XIRP2: variants seen among roughly 807,000 people sequenced by gnomAD.
The protein encoded by XIRP2 is xin actin binding repeat containing 2.
A neutral mutation model predicts 277.0 loss-of-function variants in XIRP2; 236 were observed. The observed-to-expected ratio is 0.85, with a 90% CI of 0.77 to 0.95. The LOEUF (loss-of-function observed/expected upper bound fraction) is 0.95. XIRP2 is among the 40% of genes least tolerant of loss of function. The pLI is 0.00. For missense variants in XIRP2, 4,640 were observed against 4,157.5 expected (o/e 1.12, Z -3.19); for synonymous variants, 1,490 against 1,416.5 (o/e 1.05, Z -1.17).
At chr2:166,999,682 A>T (rs753666666) in intron 2 of XIRP2, among the ~76,000 whole-genome samples, 4 of 152,182 alleles carry the variant, frequency 2.6e-5, no homozygotes, top group Non-Finnish European at 5.9e-5. Context: ...GCTTAAAATA[A>T]ATGATTTAAT....
At chr2:167,024,562 C>T (rs1449147361) in intron 2 of XIRP2, among the ~76,000 whole-genome samples, 1 of 152,064 alleles carries the variant, frequency 6.6e-6, no homozygotes, top group Non-Finnish European at 1.5e-5. Flanking sequence ...CCAGTTTTTG[C>T]CCATTCAGTA....
In XIRP2 at chr2:167,243,450, G is replaced by C. The variant is rs774793371; in HGVS notation, c.2058G>C (p.Gly686=). 1.6e-5 allele frequency: 26 copies of C among 1,613,894 alleles called. No homozygotes were observed. In the Admixed American group the frequency reaches 2.5e-4, roughly 16 times the overall value. ...SAVTISKDIT[G]GDVKTVRYMF... is the part of the protein sequence containing the mutation. ...TAACTATCAGTAAGGACATAACTGG[G>C]GGGGATGTCAAGACTGTGAGATACA... The change falls in exon 9 of 11, where the codon GGG becomes GGC. Residue 686 remains glycine (G), a synonymous_variant. Coordinates refer to ENST00000409195, the MANE Select transcript of XIRP2 (RefSeq NM_152381.6).
Position 167,247,685 on chromosome 2 carries a change from C to G in XIRP2, c.6293C>G (p.Ser2098Ter). Residue 2098 changes from serine (S) to a stop codon, truncating the protein, a stop_gained, in exon 9 of 11, where the codon TCA becomes TGA. Coordinates refer to ENST00000409195, the MANE Select transcript of XIRP2 (RefSeq NM_152381.6). LOFTEE classifies it high-confidence loss of function. ...AAGAATAATCTAACAACTAAAGAATCAGACAGGGCAGTGAGAGAGCTGAAG... is the reference window on the plus strand; with the variant it reads ...AAGAATAATCTAACAACTAAAGAATGAGACAGGGCAGTGAGAGAGCTGAAG... ...SVKNNLTTKE[S>*]DRAVRELKKD... The G allele has an allele frequency of 6.2e-7, 1 of 1,613,574 alleles. No homozygotes were observed. The highest frequency in any genetic ancestry group is 8.5e-7 in the Non-Finnish European group (1 of 1,179,728).
chr2:167,157,132 A>C (rs1398636275), intron 3 of XIRP2, among the ~76,000 whole-genome samples: 1 of 151,640 alleles, frequency 6.6e-6, no homozygotes, highest in Non-Finnish European at 1.5e-5. Flanking sequence ...AATCATGGGA[A>C]CAGGCATTGT....
At chr2:167,217,283 T>TAA (rs201024264) in intron 4 of XIRP2, among the ~76,000 whole-genome samples, 15,224 of 136,794 alleles carry the variant, frequency 0.11, 931 homozygotes, top group East Asian at 0.25. Flanking sequence ...TAAAGTATAA[T>TAA]AAAAAAAAAA....
In XIRP2 at chr2:167,134,649, A is replaced by G. The variant is rs147486963; in HGVS notation, c.409-1260A>G. Among the ~76,000 whole-genome samples, 141 of 152,256 alleles carry G rather than the reference A, an allele frequency of 9.3e-4. 2 individuals carry two copies. In the East Asian group the frequency reaches 0.027, roughly 29 times the overall value. On this transcript the variant is annotated intron_variant, in intron 2 of 10. Transcript: ENST00000409195. ...TGCCTAAAACCACATATAGTACCGA[A>G]CCCTACATATACTCTGTCTTTTCCT...
In XIRP2 at chr2:167,243,706, T is replaced by G; in HGVS notation, c.2314T>G (p.Trp772Gly). ...AAAGGGAGATGTAAGAACAGCACGG[T>G]GGATGTTTGAAACACAGCCGTTGGA... Reference protein sequence around the residue: ...VEKGDVRTARWMFETQPLDTI... With the variant: ...VEKGDVRTARGMFETQPLDTI... The change falls in exon 9 of 11, where the codon TGG (tryptophan) becomes GGG (glycine). Residue 772 changes from tryptophan (W) to glycine (G), a missense_variant. By Grantham distance (184) the Trp-to-Gly change is radical. Transcript: ENST00000409195. 3 of 1,614,060 alleles carry G rather than the reference T, an allele frequency of 1.9e-6. No individual in the cohort carries two copies. Among genetic ancestry groups the G allele is most frequent in the Non-Finnish European group, 2.5e-6 (3 of 1,179,972 alleles).
At chr2:167,254,750 A>G (rs567094588) in intron 10 of XIRP2, among the ~76,000 whole-genome samples, 1 of 152,012 alleles carries the variant, frequency 6.6e-6, no homozygotes, top group Admixed American at 6.6e-5. Context: ...GAAAAATATC[A>G]GTGACAGGTA....
intron 2 of XIRP2, among the ~76,000 whole-genome samples, chr2:167,091,632 T>C (rs573791203): frequency 1.3e-5 from 2 of 152,196 alleles, no homozygotes; most frequent in African/African-American, 4.8e-5. Flanking sequence ...CTGAAAACTC[T>C]AAGTTTTTTA....
chr2:167,242,788 G>A lies in XIRP2; in HGVS notation c.1396G>A (p.Val466Met). ...TGACGTACTTCAAACTTCAGTAGAT[G>A]TGACAGCATTTTCCCAGTCCCCTGA... Reference protein sequence around the residue: ...PPDVLQTSVDVTAFSQSPELP... With the variant: ...PPDVLQTSVDMTAFSQSPELP... The change falls in exon 9 of 11, where the codon GTG becomes ATG. Residue 466 changes from valine to methionine, a missense_variant. Coordinates refer to ENST00000409195, the MANE Select transcript of XIRP2 (RefSeq NM_152381.6). 1 of 1,614,034 alleles carries A rather than the reference G, an allele frequency of 6.2e-7. No individual in the cohort carries two copies. The highest frequency in any genetic ancestry group is 8.5e-7 in the Non-Finnish European group (1 of 1,179,920).
At chr2:166,939,688 AAAAAAAAAAAC>A (rs1685637058) in intron 2 of XIRP2, among the ~76,000 whole-genome samples, 1 of 150,688 alleles carries the variant, frequency 6.6e-6, no homozygotes, top group African/African-American at 2.5e-5. Context: ...ACAAAAAAAA[AAAAAAAAAAAC>A]AAAAAACAAA....
Position 167,257,933 on chromosome 2 carries a change from A to C in XIRP2, c.*116A>C. On this transcript the variant is annotated 3_prime_UTR_variant, in exon 11 of 11. Coordinates refer to ENST00000409195, the MANE Select transcript of XIRP2 (RefSeq NM_152381.6). ...TAAACAACTTTTCAAATCCAAAGGA[A>C]ATTATGATGAAGGTTTTGGACATAA... The C allele has an allele frequency of 6.2e-7, 1 of 1,612,674 alleles. No individual in the cohort carries two copies. Among genetic ancestry groups the C allele is most frequent in the Non-Finnish European group, 8.5e-7 (1 of 1,179,288 alleles).
rs528364473 is a variant in XIRP2 at position 166,978,235 on chromosome 2, AT to A, written c.408+74351del. Among the ~76,000 whole-genome samples, 1,014 of 152,202 alleles carry A rather than the reference AT, an allele frequency of 6.7e-3. 10 individuals are homozygous for A. The highest frequency in any genetic ancestry group is 0.023 in the African/African-American group (954 of 41,538). On this transcript the variant is annotated intron_variant, in intron 2 of 10. Transcript: ENST00000409195. ...GCACTCTATTCTGTTTCACTAATCT[AT>A]TTTTTAATATTCATGTCACTACCAC...
chr2:166,963,953 T>G (rs370639892), intron 2 of XIRP2, among the ~76,000 whole-genome samples: 1 of 151,714 alleles, frequency 6.6e-6, no homozygotes, highest in Admixed American at 6.6e-5. Context: ...AGACATGGTG[T>G]GTTCTAAAGT....
In XIRP2 at chr2:167,244,915, G is replaced by A; in HGVS notation, c.3523G>A (p.Asp1175Asn). 2 of 1,613,172 alleles carry A rather than the reference G, an allele frequency of 1.2e-6. No homozygotes were observed. Among genetic ancestry groups the A allele is most frequent in the Middle Eastern group, 1.7e-4 (1 of 6,054 alleles). ...TTTTCTTTTTGAGACAGAAAATTTG[G>A]ACAGCATACAAGGAGAAGAAGTGAA... ...ACFLFETENL[D>N]SIQGEEVKEI... Residue 1175 changes from aspartate (D) to asparagine (N), a missense_variant, in exon 9 of 11, where the codon GAC becomes AAC. Coordinates refer to ENST00000409195, the MANE Select transcript of XIRP2 (RefSeq NM_152381.6).
chr2:167,016,970 G>C (rs750550912), intron 2 of XIRP2, among the ~76,000 whole-genome samples: 5 of 151,946 alleles, frequency 3.3e-5, no homozygotes, highest in African/African-American at 2.4e-5. Context: ...AGGTAAACAT[G>C]GTGATGGATC....
chr2:167,024,240 T>C (rs1357300448), intron 2 of XIRP2, among the ~76,000 whole-genome samples: 2 of 152,162 alleles, frequency 1.3e-5, no homozygotes, highest in Admixed American at 6.5e-5. Context: ...TCACTCATGA[T>C]TTGGCTCTCT....
rs1035903222 is a variant in XIRP2, at chr2:167,242,482, C to G, written c.1177-87C>G. ...CCAATGGAGATATCATAGGAGGGTC[C>G]AGGTTACAGACCAATGAAGGGCAGT... On this transcript the variant is annotated intron_variant, in intron 8 of 10. Transcript: ENST00000409195. 311 of 1,381,162 alleles carry G rather than the reference C, an allele frequency of 2.3e-4. 1 individual carries two copies. Among genetic ancestry groups the G allele is most frequent in the Non-Finnish European group, 2.9e-4 (289 of 1,012,112 alleles). 85.6% of individuals were successfully genotyped at this position (1,381,162 alleles called of 1,614,324 possible).
chr2:167,022,881 T>A (rs540051288), intron 2 of XIRP2, among the ~76,000 whole-genome samples: 3 of 152,308 alleles, frequency 2.0e-5, no homozygotes, highest in South Asian at 2.1e-4. Context: ...TGGTTCCAAG[T>A]CTTTGCTATT....
Sources: allele counts gnomAD v4.1 joint callset (sites outside exome capture counted in the v4.1 genomes callset), GRCh38; gene constraint gnomAD v4.1.1; transcripts MANE v1.5; gene names NCBI Gene and HGNC (gene_info 2026-07-23, HGNC 2026-07-21).